The following CHD6 variants were observed in gnomAD, a reference collection of about 807,000 sequenced individuals.
CHD6 encodes the protein chromodomain helicase DNA binding protein 6.
In CHD6, 50 loss-of-function variants were observed where a neutral mutation model predicts 276.9. That is an observed-to-expected ratio of 0.18 (90% CI 0.14 to 0.23). The LOEUF (loss-of-function observed/expected upper bound fraction) is 0.23, where lower values mean the gene tolerates loss of function less well. Among genes scored for constraint, CHD6 ranks in the 10% least tolerant of loss-of-function variants. The pLI is 1.00. For missense variants in CHD6, 2,564 were observed against 3,365.8 expected, an observed-to-expected ratio of 0.76 and a Z score of 5.89; for synonymous variants, 1,173 against 1,229.3, an observed-to-expected ratio of 0.95 and a Z score of 0.96.
At chr20:41,517,855 G>T (rs2044289288) in intron 3 of CHD6, among the ~76,000 whole-genome samples, 1 of 152,096 alleles carries the variant, frequency 6.6e-6, no homozygotes, top group Non-Finnish European at 1.5e-5. Context: ...GAGTCACAGG[G>T]TATTACTTTT....
rs948748258 is a variant in CHD6, at chr20:41,606,809, T to A, written c.-24+11531A>T. Reference sequence around the variant, plus strand: ...GAATCACCTGGGAAATTATCAAAAATCCAATATCTGGGCCTCTCCTTCAGA... The same window carrying A: ...GAATCACCTGGGAAATTATCAAAAAACCAATATCTGGGCCTCTCCTTCAGA... On this transcript the variant is annotated intron_variant, in intron 1 of 36. Coordinates refer to ENST00000373233, the MANE Select transcript of CHD6 (RefSeq NM_032221.5). Among the ~76,000 whole-genome samples the A allele has an allele frequency of 4.6e-5, 7 of 152,184 alleles. No homozygotes were observed. The East Asian group carries it at 1.4e-3, about 29-fold the overall frequency.
chr20:41,456,779 G>A (rs1212747880), intron 18 of CHD6, among the ~76,000 whole-genome samples: 4 of 152,154 alleles, frequency 2.6e-5, no homozygotes, highest in African/African-American at 9.7e-5. Flanking sequence ...TGCCCCCAAA[G>A]GGGGAAAAAT....
intron 1 of CHD6, among the ~76,000 whole-genome samples, chr20:41,554,823 C>T (rs967370846): frequency 4.6e-5 from 7 of 152,208 alleles, no homozygotes; most frequent in Non-Finnish European, 7.3e-5. Context: ...TCAATGTTTT[C>T]CCCACCTTTC....
At chr20:41,548,024 T>A in intron 2 of CHD6, 1 of 206,522 alleles carries the variant, frequency 4.8e-6, no homozygotes. Context: ...TCAATCCTGT[T>A]CTATGGAAAT....
chr20:41,467,329 T>G (rs2042943313), intron 17 of CHD6, among the ~76,000 whole-genome samples: 1 of 151,816 alleles, frequency 6.6e-6, no homozygotes, highest in Non-Finnish European at 1.5e-5. Context: ...CATTCAGAAC[T>G]AGGGCCAGGA....
chr20:41,491,125 C>G (rs766111579), intron 11 of CHD6, among the ~76,000 whole-genome samples: 2 of 152,028 alleles, frequency 1.3e-5, no homozygotes, highest in African/African-American at 2.4e-5. Flanking sequence ...ACTAAGGCTA[C>G]ACTCAATTTA....
At chr20:41,615,908 T>C (rs867585148) in intron 1 of CHD6, among the ~76,000 whole-genome samples, 10 of 152,246 alleles carry the variant, frequency 6.6e-5, no homozygotes, top group African/African-American at 2.4e-4. Context: ...TCTTCAAAAC[T>C]TTTATAAACC....
At chr20:41,592,054 G>A (rs4812532) in intron 1 of CHD6, among the ~76,000 whole-genome samples, 57,146 of 151,926 alleles carry the variant, frequency 0.38, 13,320 homozygotes, top group African/African-American at 0.64. Context: ...AGCCGAGATC[G>A]TGCCGCTGCA....
At chr20:41,524,461 A>G (rs996154641) in intron 3 of CHD6, among the ~76,000 whole-genome samples, 5 of 152,234 alleles carry the variant, frequency 3.3e-5, no homozygotes, top group Admixed American at 2.0e-4. Context: ...CAAAAAGATT[A>G]CTTCCTCTTA....
chr20:41,451,203 G>A (rs773688557), intron 22 of CHD6, 98 bp from the exon 23 acceptor site: 7 of 1,093,208 alleles, frequency 6.4e-6, no homozygotes, highest in South Asian at 4.4e-5. Flanking sequence ...GAACAGAGTT[G>A]GGCTGTGCTC....
chr20:41,494,325 G>A lies in CHD6; in HGVS notation c.1093-381C>T, dbSNP rs534723544. Among the ~76,000 whole-genome samples the A allele has an allele frequency of 5.1e-4, 77 of 152,276 alleles. 1 individual carries two copies. Among genetic ancestry groups the A allele is most frequent in the African/African-American group, 1.6e-3 (67 of 41,550 alleles). On this transcript the variant is annotated intron_variant, in intron 8 of 36. Transcript: ENST00000373233. ...CAACAATAGTTAACACTGGCAGGGGGCATGAGGGAAGCTTCCTGGGTGCTG... is the reference window on the plus strand; with the variant it reads ...CAACAATAGTTAACACTGGCAGGGGACATGAGGGAAGCTTCCTGGGTGCTG...
At chr20:41,601,816 C>T (rs1443130558) in intron 1 of CHD6, among the ~76,000 whole-genome samples, 1 of 152,214 alleles carries the variant, frequency 6.6e-6, no homozygotes, top group Non-Finnish European at 1.5e-5. Flanking sequence ...ATCGTGAGCA[C>T]TCAATAAATG....
chr20:41,492,313 T>C (rs1173355414), intron 10 of CHD6, among the ~76,000 whole-genome samples: 1 of 152,216 alleles, frequency 6.6e-6, no homozygotes, highest in African/African-American at 2.4e-5. Flanking sequence ...TAATCAACCA[T>C]GCAAACAAAA....
At chr20:41,597,458 C>A (rs2045729219) in intron 1 of CHD6, among the ~76,000 whole-genome samples, 1 of 152,150 alleles carries the variant, frequency 6.6e-6, no homozygotes, top group Non-Finnish European at 1.5e-5. Flanking sequence ...GCGCAAACTC[C>A]ACCCCTTGAA....
At chr20:41,500,631 T>C (rs781705297) in intron 5 of CHD6, among the ~76,000 whole-genome samples, 4 of 152,132 alleles carry the variant, frequency 2.6e-5, no homozygotes, top group Middle Eastern at 3.2e-3. Flanking sequence ...TCTGTTTAAG[T>C]ATTTGCTCTG....
chr20:41,422,449 G>A (rs2047225454), intron 30 of CHD6, among the ~76,000 whole-genome samples: 1 of 151,818 alleles, frequency 6.6e-6, no homozygotes, highest in Non-Finnish European at 1.5e-5. Context: ...GACCAGCCCG[G>A]GCAACAAAGT....
chr20:41,607,828 C>T (rs1181079026), intron 1 of CHD6, among the ~76,000 whole-genome samples: 1 of 151,096 alleles, frequency 6.6e-6, no homozygotes, highest in Non-Finnish European at 1.5e-5. Flanking sequence ...GGTTTACTTG[C>T]TTACACTATG....
intron 3 of CHD6, among the ~76,000 whole-genome samples, chr20:41,523,042 A>T (rs954149980): frequency 2.0e-5 from 3 of 152,192 alleles, no homozygotes; most frequent in Non-Finnish European, 4.4e-5. Context: ...ATGGGCAGCC[A>T]TGATTCCAGC....
At chr20:41,567,027 G>A (rs1442482679) in intron 1 of CHD6, among the ~76,000 whole-genome samples, 4 of 152,160 alleles carry the variant, frequency 2.6e-5, no homozygotes, top group African/African-American at 9.7e-5. Context: ...AAGGCCACAT[G>A]GGACAGAATC....
Sources: gnomAD v4.1 joint callset for allele counts (sites outside exome capture counted in the v4.1 genomes callset) on GRCh38, gnomAD v4.1.1 for gene constraint, MANE v1.5 for transcripts, NCBI Gene and HGNC (gene_info 2026-07-23, HGNC 2026-07-21) for gene names.